Variants in DAB1 observed in about 807,000 individuals in gnomAD.
DAB1 encodes DAB adaptor protein 1.
In DAB1, 15 loss-of-function variants were observed where a neutral mutation model predicts 64.6. The observed-to-expected ratio is 0.23, with a 90% confidence interval of 0.16 to 0.36. The LOEUF (loss-of-function observed/expected upper bound fraction) is 0.36. DAB1 is among the 10% of genes least tolerant of loss of function. The probability of loss-of-function intolerance (pLI) is 1.00; values close to 1 mark genes in which losing one functional copy is unlikely to be tolerated. For synonymous variants in DAB1, 235 were observed against 251.9 expected (o/e 0.93, Z 0.64); for missense variants, 596 against 706.7 (o/e 0.84, Z 1.78).
At chr1:58,010,397 A>C (rs1373390248) in intron 5 of DAB1, among the ~76,000 whole-genome samples, 1 of 152,190 alleles carries the variant, frequency 6.6e-6, no homozygotes, top group Non-Finnish European at 1.5e-5. Flanking sequence ...CTCTTGCTAC[A>C]AACACAACAG....
intron 7 of DAB1, among the ~76,000 whole-genome samples, chr1:57,506,628 C>T (rs1047982175): frequency 1.3e-5 from 2 of 152,202 alleles, no homozygotes; most frequent in Non-Finnish European, 2.9e-5. Flanking sequence ...AACTCCTGTG[C>T]ATGCCCATGG....
In DAB1 at chr1:57,069,354, T is replaced by A. The variant is rs2100589252; in HGVS notation, c.663+6A>T. 1 of 1,612,438 alleles carries A rather than the reference T, an allele frequency of 6.2e-7. No homozygotes were observed. The highest frequency in any genetic ancestry group is 8.5e-7 in the Non-Finnish European group (1 of 1,178,570). On this transcript the variant is annotated splice_donor_region_variant and intron_variant, in intron 8 of 14. Coordinates refer to ENST00000371236, the MANE Select transcript of DAB1 (RefSeq NM_001365792.1). ...GCAATGGTAAGAGAGGCAAGCAATT[T>A]TATACCTGATAAATGTTTTCTTCCG...
intron 5 of DAB1, among the ~76,000 whole-genome samples, chr1:57,935,548 A>G (rs535556135): frequency 1.3e-5 from 2 of 152,330 alleles, no homozygotes; most frequent in Non-Finnish European, 2.9e-5. Context: ...GGGAATTACC[A>G]TTTATTCAAT....
At chr1:58,277,092 T>G in intron 4 of DAB1, among the ~76,000 whole-genome samples, 1 of 134,924 alleles carries the variant, frequency 7.4e-6, no homozygotes, top group Non-Finnish European at 1.5e-5. Flanking sequence ...CAGGCTGGAG[T>G]GCAGTGGTAT....
intron 4 of DAB1, among the ~76,000 whole-genome samples, chr1:58,336,713 T>C (rs1663125343): frequency 6.6e-6 from 1 of 152,204 alleles, no homozygotes; most frequent in African/African-American, 2.4e-5. Flanking sequence ...ATATTTAGGA[T>C]AACAATAATA....
intron 1 of DAB1, among the ~76,000 whole-genome samples, chr1:58,542,982 A>T (rs1225389262): frequency 1.4e-5 from 1 of 69,326 alleles, no homozygotes; most frequent in Non-Finnish European, 3.5e-5. Flanking sequence ...ACAAACAAAA[A>T]GCTTTTTTAA....
intron 5 of DAB1, among the ~76,000 whole-genome samples, chr1:58,119,317 T>C (rs1160602569): frequency 1.3e-5 from 2 of 151,908 alleles, no homozygotes; most frequent in Non-Finnish European, 2.9e-5. Context: ...TGGCACAAAC[T>C]GACATGAACT....
intron 5 of DAB1, among the ~76,000 whole-genome samples, chr1:58,104,422 C>T (rs1033981603): frequency 6.6e-6 from 1 of 152,182 alleles, no homozygotes; most frequent in Non-Finnish European, 1.5e-5. Flanking sequence ...TGAAAACTGC[C>T]AGTGTGGGCA....
Position 57,814,327 on chromosome 1 carries a change from T to C in DAB1, n.551+69672A>G, listed in dbSNP as rs115525791. On this transcript the variant is annotated intron_variant and non_coding_transcript_variant, in intron 6 of 20. Transcript: ENST00000485760. ...TCAAGTTTTTAAATATTTACAATTA[T>C]GGCCCTGGCCTTATTAAACTTGCAG... Among the ~76,000 whole-genome samples, 41 of 152,350 alleles carry C rather than the reference T, an allele frequency of 2.7e-4. No homozygotes were observed. In the East Asian group the frequency reaches 7.9e-3, roughly 29 times the overall value.
intron 5 of DAB1, among the ~76,000 whole-genome samples, chr1:57,964,075 G>A (rs1021580638): frequency 3.9e-5 from 6 of 152,138 alleles, no homozygotes; most frequent in Non-Finnish European, 5.9e-5. Context: ...CTGTGAAGGG[G>A]AGGAGCAAGG....
intron 3 of DAB1, among the ~76,000 whole-genome samples, chr1:58,490,792 ATTCT>A (rs1208767582): frequency 0.018 from 1,746 of 97,162 alleles, 89 homozygotes; most frequent in African/African-American, 0.06. Context: ...AATAGTCAAC[ATTCT>A]TTTTTTTTTT....
At chr1:58,028,574 G>A (rs1029012183) in intron 5 of DAB1, among the ~76,000 whole-genome samples, 1 of 152,194 alleles carries the variant, frequency 6.6e-6, no homozygotes, top group African/African-American at 2.4e-5. Flanking sequence ...AAGGATGCTT[G>A]TTCATAGTAA....
intron 3 of DAB1, among the ~76,000 whole-genome samples, chr1:58,489,020 G>A (rs948383285): frequency 3.3e-5 from 5 of 152,244 alleles, no homozygotes; most frequent in South Asian, 2.1e-4. Flanking sequence ...CGTCAGCGAC[G>A]CAGAAGACGA....
chr1:57,542,373 C>A (rs147700920), intron 7 of DAB1, among the ~76,000 whole-genome samples: 1 of 151,206 alleles, frequency 6.6e-6, no homozygotes, highest in Admixed American at 6.6e-5. Context: ...GGCCACACCC[C>A]CTAGGGTCAA....
In DAB1 at chr1:58,264,856, T is replaced by G. The variant is rs143606850; in HGVS notation, n.309+78496A>C. Among the ~76,000 whole-genome samples, 9 of 152,340 alleles carry G rather than the reference T, an allele frequency of 5.9e-5. No homozygotes were observed. The East Asian group carries it at 1.7e-3, about 29-fold the overall frequency. Reference sequence around the variant, plus strand: ...ATTCTATTAAAGGAGAAGCATGAGTTTTGATGGTCAGTTAGCTGTATCTCT... The same window carrying G: ...ATTCTATTAAAGGAGAAGCATGAGTGTTGATGGTCAGTTAGCTGTATCTCT... On this transcript the variant is annotated intron_variant and non_coding_transcript_variant, in intron 4 of 20. Transcript: ENST00000485760.
chr1:58,404,503 G>A (rs338915), intron 3 of DAB1, among the ~76,000 whole-genome samples: 20,701 of 152,218 alleles, frequency 0.14, 1,877 homozygotes, highest in Middle Eastern at 0.21. Context: ...GGACCAGCAG[G>A]GCAGCATCCC....
intron 1 of DAB1, among the ~76,000 whole-genome samples, chr1:57,366,961 C>T (rs1361420332): frequency 6.6e-6 from 1 of 151,740 alleles, no homozygotes; most frequent in Non-Finnish European, 1.5e-5. Flanking sequence ...AATCCCGACA[C>T]TTTGGGAGGC....
At chr1:57,744,847 G>A (rs79777039) in intron 6 of DAB1, among the ~76,000 whole-genome samples, 3,065 of 152,260 alleles carry the variant, frequency 0.02, 94 homozygotes, top group African/African-American at 0.071. Context: ...AGCTAAATGG[G>A]AGGCAGGCCG....
chr1:57,780,277 T>C (rs1216423214), intron 6 of DAB1, among the ~76,000 whole-genome samples: 2 of 152,140 alleles, frequency 1.3e-5, no homozygotes, highest in Non-Finnish European at 2.9e-5. Context: ...AGCATAGGCA[T>C]TTAAATTAAA....
Sources: gnomAD v4.1 joint callset for allele counts (sites outside exome capture counted in the v4.1 genomes callset) on GRCh38, gnomAD v4.1.1 for gene constraint, MANE v1.5 for transcripts, NCBI Gene and HGNC (gene_info 2026-07-23, HGNC 2026-07-21) for gene names.